CADM2: variants seen among roughly 807,000 people sequenced by gnomAD.
CADM2 encodes the protein cell adhesion molecule 2.
A neutral mutation model predicts 49.8 loss-of-function variants in CADM2; 12 were observed. The ratio of observed to expected loss-of-function variants is 0.24; its 90% CI spans 0.15 to 0.39. The LOEUF is 0.39. Ranked by LOEUF, CADM2 falls within the 10% of genes least tolerant of loss-of-function variation. CADM2 has a pLI of 1.00. For missense variants in CADM2, 378 were observed against 492.3 expected (o/e 0.77, Z 2.20); for synonymous variants, 214 against 175.4 (o/e 1.22, Z -1.74).
At chr3:85,473,144 T>G (rs1407546650) in intron 1 of CADM2, among the ~76,000 whole-genome samples, 1 of 152,102 alleles carries the variant, frequency 6.6e-6, no homozygotes, top group Non-Finnish European at 1.5e-5. Flanking sequence ...TGTGTTACTT[T>G]CCTTTGAAAA....
intron 1 of CADM2, among the ~76,000 whole-genome samples, chr3:85,388,483 G>A: frequency 6.6e-6 from 1 of 152,042 alleles, no homozygotes; most frequent in East Asian, 1.9e-4. Context: ...AAAAAATCAT[G>A]TTTTCAGAAA....
At chr3:85,652,361 C>T (rs2065067559) in intron 1 of CADM2, among the ~76,000 whole-genome samples, 1 of 152,148 alleles carries the variant, frequency 6.6e-6, no homozygotes, top group Admixed American at 6.5e-5. Flanking sequence ...TAAAACAATG[C>T]ATATATATGA....
chr3:85,153,814 C>G (rs937437767), intron 1 of CADM2, among the ~76,000 whole-genome samples: 1 of 152,208 alleles, frequency 6.6e-6, no homozygotes, highest in African/African-American at 2.4e-5. Flanking sequence ...GGGAGGCACC[C>G]CCCAGCAGGG....
At chr3:85,098,593 T>A (rs935955375) in intron 1 of CADM2, among the ~76,000 whole-genome samples, 1 of 152,138 alleles carries the variant, frequency 6.6e-6, no homozygotes, top group African/African-American at 2.4e-5. Context: ...TCTAGTTTTA[T>A]AAAAATTCTG....
intron 1 of CADM2, among the ~76,000 whole-genome samples, chr3:85,563,405 T>G (rs2062155156): frequency 1.9e-5 from 2 of 107,116 alleles, no homozygotes; most frequent in Non-Finnish European, 4.6e-5. Flanking sequence ...AATTTTTGTG[T>G]GTGTGTGGGG....
chr3:86,040,068 C>T (rs995630663), intron 8 of CADM2, among the ~76,000 whole-genome samples: 11 of 152,048 alleles, frequency 7.2e-5, no homozygotes, highest in East Asian at 5.8e-4. Flanking sequence ...ACATCCACAC[C>T]GAAACCCCAT....
intron 1 of CADM2, among the ~76,000 whole-genome samples, chr3:85,317,611 AC>A (rs2044499730): frequency 6.6e-6 from 1 of 152,198 alleles, no homozygotes; most frequent in South Asian, 2.1e-4. Context: ...GAGGAGGAAC[AC>A]TGTTTCTCAC....
chr3:85,954,800 T>A (rs1465760790), intron 7 of CADM2, among the ~76,000 whole-genome samples: 1 of 151,212 alleles, frequency 6.6e-6, no homozygotes, highest in African/African-American at 2.4e-5. Context: ...ACATAAATAT[T>A]GGGTGTATTA....
intron 1 of CADM2, among the ~76,000 whole-genome samples, chr3:85,522,993 GAAAA>G (rs71108296): frequency 9.5e-6 from 1 of 105,470 alleles, no homozygotes; most frequent in African/African-American, 3.5e-5. Context: ...ACTTTTCCAA[GAAAA>G]AAAAAAAAAA....
intron 3 of CADM2, among the ~76,000 whole-genome samples, chr3:85,851,352 T>C (rs2108292566): frequency 6.6e-6 from 1 of 152,124 alleles, no homozygotes; most frequent in East Asian, 1.9e-4. Flanking sequence ...TTGCTCACAG[T>C]TGTTCTACTA....
rs578095180 is a variant in CADM2 at position 85,924,903 on chromosome 3, C to G, written c.701-10864C>G. ...TCAAGGCTTTTAAAATACAACCAAC[C>G]CCCTATAATGCTGCTCTCAAGTACT... is the stretch of plus-strand genomic sequence containing the variant. On this transcript the variant is annotated intron_variant, in intron 6 of 9. Coordinates refer to ENST00000383699, the MANE Select transcript of CADM2 (RefSeq NM_001167675.2). Among the ~76,000 whole-genome samples, 3 of 152,148 alleles carry G rather than the reference C, an allele frequency of 2.0e-5. No individual in the cohort carries two copies. The East Asian group carries it at 5.8e-4, about 29-fold the overall frequency.
At chr3:85,632,937 G>T (rs12493563) in intron 1 of CADM2, among the ~76,000 whole-genome samples, 46,042 of 151,652 alleles carry the variant, frequency 0.3, 8,477 homozygotes, top group East Asian at 0.64. Flanking sequence ...ATCTAAAATC[G>T]AAAATAAAAT....
intron 1 of CADM2, among the ~76,000 whole-genome samples, chr3:85,348,245 C>T (rs1036071806): frequency 2.0e-5 from 3 of 152,130 alleles, no homozygotes; most frequent in Admixed American, 6.5e-5. Flanking sequence ...TTCTCTCTTA[C>T]TCTAGGAAAG....
Position 85,961,645 on chromosome 3 carries a change from A to G in CADM2, c.968A>G (p.His323Arg). 2.0e-6 allele frequency: 3 copies of G among 1,531,204 alleles called. No homozygotes were observed. The highest frequency in any genetic ancestry group is 8.9e-7 in the Non-Finnish European group (1 of 1,124,780). The allele number at this position is 1,531,204 out of a possible 1,614,324, so 94.9% of individuals were successfully genotyped here. ...QSSAEYVLIV[H>R]DPNALAGQNG... is the part of the protein sequence containing the mutation. ...AGTGCGGAATATGTTCTCATTGTGC[A>G]TGGTGAGTAAATTTTGGAAAACATT... The change falls in exon 8 of 10, where the codon CAT (histidine) becomes CGT (arginine). Residue 323 changes from histidine to arginine, a missense_variant and splice_region_variant. Coordinates refer to ENST00000383699, the MANE Select transcript of CADM2 (RefSeq NM_001167675.2).
chr3:85,871,964 T>G (rs1267032445), intron 3 of CADM2, among the ~76,000 whole-genome samples: 2 of 152,214 alleles, frequency 1.3e-5, no homozygotes, highest in Non-Finnish European at 2.9e-5. Context: ...ATTAGCCAAT[T>G]ATTTTCAAAT....
chr3:85,056,014 C>G (rs995013200), intron 1 of CADM2, among the ~76,000 whole-genome samples: 2 of 152,014 alleles, frequency 1.3e-5, no homozygotes, highest in Admixed American at 6.6e-5. Context: ...CTCTTCATGT[C>G]TCTGTGAATA....
intron 1 of CADM2, among the ~76,000 whole-genome samples, chr3:85,597,248 A>G (rs1231215200): frequency 1.3e-5 from 2 of 151,994 alleles, no homozygotes; most frequent in African/African-American, 4.8e-5. Flanking sequence ...AGCTTATACA[A>G]CTCTCAAATC....
At chr3:85,266,207 A>G (rs535988404) in intron 1 of CADM2, among the ~76,000 whole-genome samples, 2 of 151,886 alleles carry the variant, frequency 1.3e-5, no homozygotes, top group Non-Finnish European at 2.9e-5. Context: ...AATATTTGCT[A>G]TTTCCCATTG....
At chr3:85,365,199 C>CTTTTTTTTTTTTTTTTTTTTTTT (rs397962829) in intron 1 of CADM2, among the ~76,000 whole-genome samples, 3 of 104,714 alleles carry the variant, frequency 2.9e-5, no homozygotes, top group African/African-American at 3.6e-5. Context: ...TTTTTTTTTA[C>CTTTTTTTTTTTTTTTTTTTTTTT]TTTTTTTTTT....
Sources: allele counts gnomAD v4.1 joint callset (sites outside exome capture counted in the v4.1 genomes callset), GRCh38; gene constraint gnomAD v4.1.1; transcripts MANE v1.5; gene names NCBI Gene and HGNC (gene_info 2026-07-23, HGNC 2026-07-21).